Variants in RELN observed in about 807,000 individuals in gnomAD.
The protein encoded by RELN is reelin.
In RELN, 108 loss-of-function variants were observed where a neutral mutation model predicts 427.6. The ratio of observed to expected loss-of-function variants is 0.25; its 90% CI spans 0.22 to 0.30. The LOEUF (loss-of-function observed/expected upper bound fraction) is 0.30. Ranked by LOEUF, RELN falls within the 10% of genes least tolerant of loss-of-function variation. The probability of loss-of-function intolerance (pLI) is 1.00; values close to 1 mark genes in which losing one functional copy is unlikely to be tolerated. For synonymous variants in RELN, 1,524 were observed against 1,513.4 expected, an observed-to-expected ratio of 1.01 and a Z score of -0.16; for missense variants, 3,715 against 4,302.8, an observed-to-expected ratio of 0.86 and a Z score of 3.82.
At chr7:103,491,619 C>T (rs1235488951) in intron 58 of RELN, among the ~76,000 whole-genome samples, 2 of 151,838 alleles carry the variant, frequency 1.3e-5, no homozygotes, top group South Asian at 2.1e-4. Flanking sequence ...CACCTGAGGT[C>T]GGGAGTTCAA....
Position 103,723,286 on chromosome 7 carries a change from A to G in RELN, c.754-95T>C. The G allele has an allele frequency of 4.1e-6, 3 of 736,732 alleles. No homozygotes were observed. The East Asian group carries it at 7.9e-5, about 19-fold the overall frequency. 45.6% of individuals were successfully genotyped at this position (736,732 alleles called of 1,614,324 possible). ...GGTACGGGGAGGGGAAGAGTTAAAA[A>G]AGAGGAGAGAGGAAATCCATTAACA... On this transcript the variant is annotated intron_variant, in intron 7 of 64. Transcript: ENST00000428762.
At position 103,630,038 on chromosome 7, in the gene RELN, G is replaced by C. The variant is rs1426251919; in HGVS notation, c.2604C>G (p.Ser868Arg). 6.2e-7 allele frequency: 1 copy of C among 1,613,558 alleles called. No individual in the cohort carries two copies. Among genetic ancestry groups the C allele is most frequent in the Non-Finnish European group, 8.5e-7 (1 of 1,179,544 alleles). ...CAAGATTGGTAAAGTCAAGACTAATGCTGTTGAAAAGCACAGATGTCATGA... is the reference window on the plus strand; with the variant it reads ...CAAGATTGGTAAAGTCAAGACTAATCCTGTTGAAAAGCACAGATGTCATGA... ...EIIMTSVLFN[S>R]ISLDFTNLVE... The change falls in exon 20 of 65, where the codon AGC becomes AGG. Residue 868 changes from serine (S) to arginine (R), a missense_variant. This residue lies in a region of RELN where 2,208 missense variants were observed against 2,361.7 expected (regional missense o/e 0.93). Transcript: ENST00000428762.
At chr7:103,570,599 T>G (rs1039933125) in intron 31 of RELN, among the ~76,000 whole-genome samples, 1 of 152,242 alleles carries the variant, frequency 6.6e-6, no homozygotes, top group Non-Finnish European at 1.5e-5. Context: ...GGATCTACCC[T>G]TAGGTGGTCA....
chr7:103,639,560 C>T (rs527238575), intron 17 of RELN, among the ~76,000 whole-genome samples: 16 of 151,904 alleles, frequency 1.1e-4, no homozygotes, highest in Non-Finnish European at 1.5e-4. Flanking sequence ...CCACCACGCC[C>T]GGCTAATTTT....
chr7:103,490,664 C>T lies in RELN; in HGVS notation c.9605+4G>A. 1.2e-6 allele frequency: 2 copies of T among 1,614,132 alleles called. No homozygotes were observed. The highest frequency in any genetic ancestry group is 2.2e-5 in the East Asian group (1 of 44,870). ...CACAAAGTTTACCTTAATTTGCAACCTACCTAGAGGAGACATGGTCAGGCA... is the reference window on the plus strand; with the variant it reads ...CACAAAGTTTACCTTAATTTGCAACTTACCTAGAGGAGACATGGTCAGGCA... On this transcript the variant is annotated splice_donor_region_variant and intron_variant, in intron 59 of 64. Coordinates refer to ENST00000428762, the MANE Select transcript of RELN (RefSeq NM_005045.4).
rs113704406 is a variant in RELN at position 103,735,484 on chromosome 7, G to A, written c.657-7277C>T. Among the ~76,000 whole-genome samples the A allele has an allele frequency of 1.4e-3, 219 of 152,144 alleles. 2 individuals carry two copies. The highest frequency in any genetic ancestry group is 4.8e-3 in the African/African-American group (201 of 41,506). On this transcript the variant is annotated intron_variant, in intron 6 of 64. Coordinates refer to ENST00000428762, the MANE Select transcript of RELN (RefSeq NM_005045.4). ...GTCCCCACATAGCAGTGACTCAGAC[G>A]GGCTCTCAGGATGCAGGAAAGAGGA...
chr7:103,889,552 C>G (rs113921319), intron 2 of RELN, among the ~76,000 whole-genome samples: 1 of 152,064 alleles, frequency 6.6e-6, no homozygotes, highest in Non-Finnish European at 1.5e-5. Flanking sequence ...TTTCAGTCAC[C>G]GTTGATACAA....
chr7:103,595,560 T>C (rs1028146688), intron 25 of RELN, among the ~76,000 whole-genome samples: 1 of 152,204 alleles, frequency 6.6e-6, no homozygotes, highest in Non-Finnish European at 1.5e-5. Flanking sequence ...AAGTAAAATG[T>C]TTAAAACATA....
At chr7:103,635,895 A>G (rs920234067) in intron 18 of RELN, among the ~76,000 whole-genome samples, 2 of 152,162 alleles carry the variant, frequency 1.3e-5, no homozygotes, top group Non-Finnish European at 2.9e-5. Flanking sequence ...ACACTGGGGG[A>G]AGGGAAGTTG....
At chr7:103,473,196 T>C (rs1246964104) in intron 64 of RELN, among the ~76,000 whole-genome samples, 1 of 152,206 alleles carries the variant, frequency 6.6e-6, no homozygotes, top group East Asian at 1.9e-4. Context: ...GCAAACTGTT[T>C]TAAATTTTAA....
Position 103,594,502 on chromosome 7 carries a change from AG to A in RELN, c.3540-11del. On this transcript the variant is annotated splice_polypyrimidine_tract_variant and intron_variant, in intron 25 of 64. Coordinates refer to ENST00000428762, the MANE Select transcript of RELN (RefSeq NM_005045.4). ...CTCCAGATAGACAAATCTGAATAAAAGTAAATCATTTACGGTTGGGAAAACA... is the reference window on the plus strand; with the variant it reads ...CTCCAGATAGACAAATCTGAATAAAATAAATCATTTACGGTTGGGAAAACA... 1 of 1,613,464 alleles carries A rather than the reference AG, an allele frequency of 6.2e-7. No homozygotes were observed. Among genetic ancestry groups the A allele is most frequent in the Non-Finnish European group, 8.5e-7 (1 of 1,179,648 alleles).
intron 31 of RELN, among the ~76,000 whole-genome samples, chr7:103,571,597 C>T (rs576002180): frequency 6.6e-6 from 1 of 152,242 alleles, no homozygotes; most frequent in East Asian, 1.9e-4. Context: ...GCCTCAGTTT[C>T]TACATCTGCA....
chr7:103,728,399 T>A (rs1405938433), intron 6 of RELN, among the ~76,000 whole-genome samples, 192 bp from the exon 7 acceptor site: 1 of 152,206 alleles, frequency 6.6e-6, no homozygotes, highest in African/African-American at 2.4e-5. Context: ...AAATCTCAAT[T>A]CTTTCAGTTA....
intron 58 of RELN, 89 bp downstream of exon 58, chr7:103,491,844 TCTCTCTCTCTCTCACACACA>T (rs1413089311): frequency 1.4e-4 from 89 of 627,754 alleles, no homozygotes; most frequent in East Asian, 2.5e-4. Context: ...TCTCTCTCTC[TCTCTCTCTCTCTCACACACA>T]CACACACACA....
Position 103,872,068 on chromosome 7 carries a change from AT to A in RELN, c.338-38397del, listed in dbSNP as rs1329334785. ...CTTTTTTTTCTTTTTTTATTTATTT[AT>A]TTTTTTATTATACTTTAAGTTTTAG... On this transcript the variant is annotated intron_variant, in intron 2 of 64. Coordinates refer to ENST00000428762, the MANE Select transcript of RELN (RefSeq NM_005045.4). Among the ~76,000 whole-genome samples, 30 of 120,876 alleles carry A rather than the reference AT, an allele frequency of 2.5e-4. No homozygotes were observed. In the East Asian group the frequency reaches 6.5e-3, roughly 26 times the overall value. The allele number at this position is 120,876 out of a possible 152,430, so 79.3% of individuals were successfully genotyped here.
At chr7:103,827,425 T>C (rs1793170594) in intron 3 of RELN, among the ~76,000 whole-genome samples, 1 of 152,048 alleles carries the variant, frequency 6.6e-6, no homozygotes. Flanking sequence ...ACAATTAATA[T>C]AACAAAAATA....
intron 60 of RELN, among the ~76,000 whole-genome samples, chr7:103,487,589 G>A (rs979907957): frequency 2.6e-5 from 4 of 152,164 alleles, no homozygotes; most frequent in African/African-American, 9.6e-5. Context: ...ACTAAAACAC[G>A]TAGTGCTCAT....
At chr7:103,715,701 C>T (rs187717255) in intron 8 of RELN, among the ~76,000 whole-genome samples, 56 of 152,314 alleles carry the variant, frequency 3.7e-4, no homozygotes, top group Admixed American at 3.1e-3. Flanking sequence ...TTCATTGTCA[C>T]TGGTACTCCT....
At chr7:103,522,852 C>CAGACACACACACACACACA (rs1554369904) in intron 47 of RELN, among the ~76,000 whole-genome samples, 1 of 150,488 alleles carries the variant, frequency 6.6e-6, no homozygotes, top group Non-Finnish European at 1.5e-5. Context: ...CACACACACA[C>CAGACACACACACACACACA]CCCCACACCT....
Sources: gnomAD v4.1 joint callset for allele counts (sites outside exome capture counted in the v4.1 genomes callset) on GRCh38, gnomAD v4.1.1 for gene constraint, gnomAD v4.1.1 regional missense constraint, MANE v1.5 for transcripts, NCBI Gene and HGNC (gene_info 2026-07-23, HGNC 2026-07-21) for gene names.